Variants in PDZRN4 observed in about 807,000 individuals in gnomAD.
PDZRN4 encodes PDZ domain containing ring finger 4.
A neutral mutation model predicts 99.0 loss-of-function variants in PDZRN4; 70 were observed. The ratio of observed to expected loss-of-function variants is 0.71; its 90% CI spans 0.58 to 0.86. PDZRN4 has a LOEUF of 0.86. Among genes scored for constraint, PDZRN4 ranks in the 40% least tolerant of loss-of-function variants. The pLI is 0.00. For synonymous variants in PDZRN4, 551 were observed against 501.6 expected (o/e 1.10, Z -1.32); for missense variants, 1,474 against 1,331.2 (o/e 1.11, Z -1.67).
chr12:41,189,218 C>A, intron 1 of PDZRN4, 115 bp downstream of exon 1: 3 of 931,796 alleles, frequency 3.2e-6, no homozygotes, highest in African/African-American at 1.7e-5. Context: ...CACTATGCAG[C>A]AGGAAACATC....
Position 41,188,368 on chromosome 12 carries a change from G to A in PDZRN4, c.-88G>A. On this transcript the variant is annotated 5_prime_UTR_variant, in exon 1 of 10. Coordinates refer to ENST00000402685, the MANE Select transcript of PDZRN4 (RefSeq NM_001164595.2). ...CCCTCCACTGCCGCCGCCGCGAGAC[G>A]GCTGCCCCGGGGGTGGCCCGGGGAA... 2 of 1,291,942 alleles carry A rather than the reference G, an allele frequency of 1.5e-6. No individual in the cohort carries two copies. Among genetic ancestry groups the A allele is most frequent in the Non-Finnish European group, 2.1e-6 (2 of 973,476 alleles). The allele number at this position is 1,291,942 out of a possible 1,614,324, so 80.0% of individuals were successfully genotyped here. A position where few individuals can be genotyped will look rare whatever the true frequency, so the allele number is the denominator to read the frequency against.
chr12:41,399,709 C>T (rs1952276135), intron 3 of PDZRN4, among the ~76,000 whole-genome samples: 1 of 150,828 alleles, frequency 6.6e-6, no homozygotes, highest in Non-Finnish European at 1.5e-5. Flanking sequence ...GCACTCCAGC[C>T]TGGGCAACAA....
intron 3 of PDZRN4, among the ~76,000 whole-genome samples, chr12:41,383,382 T>C (rs1375427602): frequency 6.6e-6 from 1 of 152,246 alleles, no homozygotes; most frequent in Non-Finnish European, 1.5e-5. Context: ...GCTGAGCATT[T>C]TAAAGTTGTC....
chr12:41,195,861 G>T (rs1368707794), intron 3 of PDZRN4, among the ~76,000 whole-genome samples: 1 of 152,050 alleles, frequency 6.6e-6, no homozygotes, highest in Admixed American at 6.6e-5. Context: ...ATATTAAGTT[G>T]TCCAGTTACC....
intron 3 of PDZRN4, among the ~76,000 whole-genome samples, chr12:41,450,359 A>C (rs1952764567): frequency 6.6e-6 from 1 of 152,194 alleles, no homozygotes. Context: ...TTAGATAGAC[A>C]ACTCAGAGAG....
In PDZRN4 at chr12:41,349,763, T is replaced by A. The variant is rs148149397; in HGVS notation, c.843+155575T>A. ...TTGTATTTATGTATTAAATACATAA[T>A]TACAATGAGGCATTTCATAACAGAG... On this transcript the variant is annotated intron_variant, in intron 3 of 9. Transcript: ENST00000402685. 2.6e-4 allele frequency among the ~76,000 whole-genome samples: 39 copies of A among 152,066 alleles called. No homozygotes were observed. The South Asian group carries it at 6.9e-3, about 27-fold the overall frequency.
chr12:41,333,341 C>T (rs1951752039), intron 3 of PDZRN4, among the ~76,000 whole-genome samples: 1 of 152,110 alleles, frequency 6.6e-6, no homozygotes, highest in African/African-American at 2.4e-5. Context: ...CTTCTCACTA[C>T]CCTCACGACC....
intron 3 of PDZRN4, among the ~76,000 whole-genome samples, chr12:41,491,232 A>C (rs1425661874): frequency 6.6e-6 from 1 of 152,160 alleles, no homozygotes; most frequent in Non-Finnish European, 1.5e-5. Context: ...TAAGGTAACC[A>C]TGAATCCTGG....
intron 3 of PDZRN4, among the ~76,000 whole-genome samples, chr12:41,226,067 C>G (rs1950992282): frequency 6.6e-6 from 1 of 151,882 alleles, no homozygotes; most frequent in African/African-American, 2.4e-5. Context: ...AAGGTTCGTA[C>G]TGATCATTTG....
intron 3 of PDZRN4, among the ~76,000 whole-genome samples, chr12:41,225,877 T>C (rs1407116978): frequency 6.6e-6 from 1 of 152,136 alleles, no homozygotes; most frequent in Admixed American, 6.5e-5. Flanking sequence ...CTCCTATCCT[T>C]CTGAGCTATT....
intron 3 of PDZRN4, among the ~76,000 whole-genome samples, chr12:41,351,582 G>C (rs192432851): frequency 3.9e-5 from 6 of 152,060 alleles, no homozygotes; most frequent in African/African-American, 1.2e-4. Flanking sequence ...CAGAAGGAGA[G>C]AGAGAGAACG....
chr12:41,222,857 C>T (rs1472421627), intron 3 of PDZRN4, among the ~76,000 whole-genome samples: 1 of 152,150 alleles, frequency 6.6e-6, no homozygotes, highest in Non-Finnish European at 1.5e-5. Context: ...TATAGAACTA[C>T]TATAAGCTGT....
chr12:41,404,553 A>T (rs1372508728), intron 3 of PDZRN4, among the ~76,000 whole-genome samples: 1 of 152,142 alleles, frequency 6.6e-6, no homozygotes, highest in African/African-American at 2.4e-5. Flanking sequence ...GGATTAGAGG[A>T]ATCACTATTA....
At chr12:41,261,836 C>A (rs1477895184) in intron 3 of PDZRN4, among the ~76,000 whole-genome samples, 1 of 152,118 alleles carries the variant, frequency 6.6e-6, no homozygotes, top group Non-Finnish European at 1.5e-5. Flanking sequence ...CTCTTCAGTT[C>A]TACCAAATCC....
At chr12:41,288,544 G>GA in intron 3 of PDZRN4, among the ~76,000 whole-genome samples, 1 of 152,142 alleles carries the variant, frequency 6.6e-6, no homozygotes, top group Non-Finnish European at 1.5e-5. Context: ...ATATGGTGCA[G>GA]TGTTTCTTTA....
At chr12:41,545,497 TTGA>T (rs147227517) in intron 5 of PDZRN4, among the ~76,000 whole-genome samples, 2,153 of 148,094 alleles carry the variant, frequency 0.015, 27 homozygotes, top group East Asian at 0.044. Context: ...CCAGCCCATA[TTGA>T]TGATATTAAT....
chr12:41,330,319 A>G (rs923964791), intron 3 of PDZRN4, among the ~76,000 whole-genome samples: 3 of 152,062 alleles, frequency 2.0e-5, no homozygotes, highest in African/African-American at 7.2e-5. Context: ...TGTTGCTAAG[A>G]CACCGTTCTG....
At chr12:41,325,546 A>C (rs181566395) in intron 3 of PDZRN4, among the ~76,000 whole-genome samples, 79 of 152,288 alleles carry the variant, frequency 5.2e-4, no homozygotes, top group Non-Finnish European at 7.6e-4. Flanking sequence ...AACAAACTCA[A>C]GTCAACAGCA....
chr12:41,301,945 A>G (rs527535705), intron 3 of PDZRN4, among the ~76,000 whole-genome samples: 1 of 152,218 alleles, frequency 6.6e-6, no homozygotes, highest in East Asian at 1.9e-4. Flanking sequence ...TGTTGATGTC[A>G]TTATATGAGA....
Sources: allele counts gnomAD v4.1 joint callset (sites outside exome capture counted in the v4.1 genomes callset), GRCh38; gene constraint gnomAD v4.1.1; transcripts MANE v1.5; gene names NCBI Gene and HGNC (gene_info 2026-07-23, HGNC 2026-07-21).